The following RAD54B variants were observed in gnomAD, a reference collection of about 807,000 sequenced individuals.
RAD54B encodes RAD54 homolog B, also known as DNA repair and recombination protein RAD54B.
RAD54B carries 78 observed loss-of-function variants against 95.8 expected under a neutral mutation model. That is an observed-to-expected ratio of 0.81 (90% CI 0.68 to 0.98). The LOEUF (loss-of-function observed/expected upper bound fraction) is 0.98, where lower values mean the gene tolerates loss of function less well. Ranked by LOEUF, RAD54B falls within the 50% of genes least tolerant of loss-of-function variation. RAD54B has a pLI of 0.00. For synonymous variants in RAD54B, 328 were observed against 354.9 expected, an observed-to-expected ratio of 0.92 and a Z score of 0.85; for missense variants, 957 against 1,056.6, an observed-to-expected ratio of 0.91 and a Z score of 1.31.
chr8:94,427,231 ATATTTTTATTTT>A lies in RAD54B; in HGVS notation c.305-15928_305-15917del, dbSNP rs201709457. 8.7e-4 allele frequency among the ~76,000 whole-genome samples: 133 copies of A among 152,108 alleles called. 2 individuals are homozygous for A. Among genetic ancestry groups the A allele is most frequent in the East Asian group, 7.1e-3 (37 of 5,188 alleles). ...TAAGTTGTCAGGACTGATATGAGCG[ATATTTTTATTTT>A]TATTTTTATTTACTCATTTATTTTG... On this transcript the variant is annotated intron_variant, in intron 3 of 14. Coordinates refer to ENST00000336148, the MANE Select transcript of RAD54B (RefSeq NM_012415.3).
At chr8:94,390,602 T>C (rs1810995797) in intron 10 of RAD54B, among the ~76,000 whole-genome samples, 1 of 147,918 alleles carries the variant, frequency 6.8e-6, no homozygotes, top group Admixed American at 6.8e-5. Flanking sequence ...ATATATAATA[T>C]ATATACATAT....
chr8:94,385,660 G>A (rs2470743), intron 11 of RAD54B, among the ~76,000 whole-genome samples: 133,236 of 152,186 alleles, frequency 0.88, 59,304 homozygotes, highest in Non-Finnish European at 0.96. Context: ...GCTGGCCTCC[G>A]ATGCCTGGCC....
chr8:94,375,612 A>G (rs1227940369), intron 14 of RAD54B, among the ~76,000 whole-genome samples: 1 of 152,182 alleles, frequency 6.6e-6, no homozygotes, highest in African/African-American at 2.4e-5. Flanking sequence ...CAGCAGCGTG[A>G]AAACAGACTA....
chr8:94,393,147 T>C (rs1390235010), intron 9 of RAD54B, among the ~76,000 whole-genome samples: 1 of 152,034 alleles, frequency 6.6e-6, no homozygotes, highest in Non-Finnish European at 1.5e-5. Flanking sequence ...TAAATGTACT[T>C]TTTTTTATAA....
intron 3 of RAD54B, among the ~76,000 whole-genome samples, chr8:94,424,635 A>G (rs983090695): frequency 1.3e-5 from 2 of 152,168 alleles, no homozygotes; most frequent in Non-Finnish European, 2.9e-5. Flanking sequence ...AACCACCCCT[A>G]ACAATCCCAG....
In RAD54B at chr8:94,380,298, T is replaced by C. The variant is rs1419179975; in HGVS notation, c.2094A>G (p.Gln698=). ...TAAAGCCATCAACAATCTGCTGCCT[T>C]TGAGAGATTGGTGTTTGTCCATCAA... ...TRLDGQTPIS[Q]RQQIVDGFNS... is the part of the protein sequence containing the mutation. Residue 698 remains glutamine (Q), a synonymous_variant, in exon 12 of 15, where the codon CAA becomes CAG. Transcript: ENST00000336148. The C allele has an allele frequency of 6.2e-7, 1 of 1,614,102 alleles. No individual in the cohort carries two copies. The highest frequency in any genetic ancestry group is 2.2e-5 in the East Asian group (1 of 44,858).
At chr8:94,430,514 TAA>T in intron 3 of RAD54B, 1 of 899,020 alleles carries the variant, frequency 1.1e-6, no homozygotes, top group Non-Finnish European at 1.3e-6. Context: ...AAGGGTTTAT[TAA>T]AAGAGATTGC....
chr8:94,446,597 G>C (rs1290072389), intron 3 of RAD54B, among the ~76,000 whole-genome samples: 1 of 152,156 alleles, frequency 6.6e-6, no homozygotes, highest in Non-Finnish European at 1.5e-5. Flanking sequence ...GTCCATGTGG[G>C]AAAAGAAATT....
At chr8:94,404,012 C>A in intron 6 of RAD54B, 65 bp downstream of exon 6, 1 of 1,295,912 alleles carries the variant, frequency 7.7e-7, no homozygotes, top group Non-Finnish European at 1.0e-6. Flanking sequence ...TCTTAGAAAA[C>A]CATTATTGTG....
At chr8:94,387,200 T>C (rs1586126065) in intron 10 of RAD54B, 41 bp from the exon 11 acceptor site, 2 of 1,482,138 alleles carry the variant, frequency 1.3e-6, no homozygotes, top group African/African-American at 2.9e-5. Flanking sequence ...TCAAGTTTGT[T>C]TTTTTAATTA....
chr8:94,416,953 T>C (rs1459145913), intron 3 of RAD54B, among the ~76,000 whole-genome samples: 1 of 152,248 alleles, frequency 6.6e-6, no homozygotes, highest in Admixed American at 6.5e-5. Context: ...CTAGGATTAT[T>C]AATAATAGCC....
intron 8 of RAD54B, among the ~76,000 whole-genome samples, chr8:94,398,039 T>C (rs1350574205): frequency 6.6e-6 from 1 of 152,100 alleles, no homozygotes; most frequent in Non-Finnish European, 1.5e-5. Context: ...ATGGTTCCTA[T>C]TTCCCTGACT....
intron 3 of RAD54B, among the ~76,000 whole-genome samples, chr8:94,419,614 T>G (rs1222993857): frequency 6.6e-6 from 1 of 152,134 alleles, no homozygotes; most frequent in African/African-American, 2.4e-5. Flanking sequence ...GTGTTGACTG[T>G]GCTGGAAGAA....
At chr8:94,463,941 AAC>A (rs1812966101) in intron 2 of RAD54B, among the ~76,000 whole-genome samples, 1 of 151,698 alleles carries the variant, frequency 6.6e-6, no homozygotes, top group Non-Finnish European at 1.5e-5. Context: ...GAGAAACGAA[AAC>A]ACATATCCAC....
intron 6 of RAD54B, among the ~76,000 whole-genome samples, chr8:94,402,513 G>A (rs7840639): frequency 8.5e-5 from 13 of 152,152 alleles, no homozygotes; most frequent in Admixed American, 3.3e-4. Context: ...CTTGGCCTCC[G>A]AAAATGCTGG....
At chr8:94,418,760 T>A (rs1811732576) in intron 3 of RAD54B, among the ~76,000 whole-genome samples, 1 of 152,228 alleles carries the variant, frequency 6.6e-6, no homozygotes, top group South Asian at 2.1e-4. Flanking sequence ...CATAATGTCT[T>A]TGGGATTCAT....
intron 3 of RAD54B, among the ~76,000 whole-genome samples, chr8:94,421,824 G>A (rs775907997): frequency 1.1e-4 from 16 of 152,110 alleles, no homozygotes; most frequent in Non-Finnish European, 1.9e-4. Context: ...TGGTATTACT[G>A]CAGGGGCTTC....
chr8:94,473,552 A>T (rs1312209398), intron 1 of RAD54B, among the ~76,000 whole-genome samples: 1 of 152,118 alleles, frequency 6.6e-6, no homozygotes, highest in Non-Finnish European at 1.5e-5. Context: ...ACACATAGTA[A>T]GCACTCAATG....
intron 11 of RAD54B, among the ~76,000 whole-genome samples, chr8:94,384,399 TAAAG>T (rs1810819959): frequency 6.6e-6 from 1 of 152,080 alleles, no homozygotes; most frequent in Admixed American, 6.5e-5. Flanking sequence ...GTCAGTAAAA[TAAAG>T]AAAGAAAAAC....
Sources: allele counts gnomAD v4.1 joint callset (sites outside exome capture counted in the v4.1 genomes callset), GRCh38; gene constraint gnomAD v4.1.1; transcripts MANE v1.5; gene names NCBI Gene and HGNC (gene_info 2026-07-23, HGNC 2026-07-21).